LRRC4C: variants seen among roughly 807,000 people sequenced by gnomAD.
LRRC4C encodes the protein leucine rich repeat containing 4C.
A neutral mutation model predicts 33.6 loss-of-function variants in LRRC4C; 5 were observed. The observed-to-expected ratio is 0.15, with a 90% CI of 0.08 to 0.31. The LOEUF is 0.31. LRRC4C is among the 10% of genes least tolerant of loss of function. LRRC4C has a pLI of 1.00. For synonymous variants in LRRC4C, 329 were observed against 302.0 expected (o/e 1.09, Z -0.93); for missense variants, 560 against 796.7 (o/e 0.70, Z 3.58).
intron 3 of LRRC4C, among the ~76,000 whole-genome samples, chr11:40,579,322 T>A (rs924235179): frequency 3.0e-5 from 4 of 133,578 alleles, no homozygotes; most frequent in Admixed American, 1.5e-4. Context: ...TGAGACTCTG[T>A]TAAAAAAAAA....
At chr11:41,325,497 G>A (rs1361007459) in intron 1 of LRRC4C, among the ~76,000 whole-genome samples, 2 of 150,808 alleles carry the variant, frequency 1.3e-5, no homozygotes. Flanking sequence ...TTATCCTATG[G>A]AATAGGGGTA....
chr11:41,409,978 A>C (rs914499881), intron 1 of LRRC4C, among the ~76,000 whole-genome samples: 1 of 152,202 alleles, frequency 6.6e-6, no homozygotes, highest in African/African-American at 2.4e-5. Context: ...ACCGTGTAAG[A>C]AAATAGTCTC....
intron 1 of LRRC4C, among the ~76,000 whole-genome samples, chr11:41,278,635 G>A (rs116963834): frequency 0.013 from 2,017 of 152,306 alleles, 21 homozygotes; most frequent in Non-Finnish European, 0.023. Context: ...TGGGTTTCAC[G>A]TAGATCTCGG....
At chr11:40,854,943 T>TA (rs1340661932) in intron 2 of LRRC4C, among the ~76,000 whole-genome samples, 1 of 152,126 alleles carries the variant, frequency 6.6e-6, no homozygotes, top group African/African-American at 2.4e-5. Context: ...AAAAGACACA[T>TA]ATGCTAAAAC....
At chr11:40,158,853 A>C (rs776270226) in intron 5 of LRRC4C, among the ~76,000 whole-genome samples, 3 of 152,188 alleles carry the variant, frequency 2.0e-5, no homozygotes, top group Non-Finnish European at 4.4e-5. Flanking sequence ...AACTCATATC[A>C]AATCAATTGT....
intron 1 of LRRC4C, among the ~76,000 whole-genome samples, chr11:41,054,567 A>G (rs1285176646): frequency 6.6e-6 from 1 of 152,240 alleles, no homozygotes; most frequent in East Asian, 1.9e-4. Flanking sequence ...AAGTACTTTG[A>G]AGAAGATTGA....
chr11:40,948,102 A>G (rs1184409313), intron 1 of LRRC4C, among the ~76,000 whole-genome samples: 1 of 152,110 alleles, frequency 6.6e-6, no homozygotes, highest in African/African-American at 2.4e-5. Flanking sequence ...TAAATGGCTC[A>G]AAGGAAGCCT....
intron 1 of LRRC4C, among the ~76,000 whole-genome samples, chr11:41,378,617 G>A (rs757871538): frequency 6.6e-6 from 1 of 152,092 alleles, no homozygotes; most frequent in African/African-American, 2.4e-5. Flanking sequence ...AGGCCCAAAA[G>A]AATAGAAATT....
chr11:41,241,800 A>G (rs1948261112), intron 1 of LRRC4C, among the ~76,000 whole-genome samples: 1 of 152,130 alleles, frequency 6.6e-6, no homozygotes, highest in African/African-American at 2.4e-5. Flanking sequence ...AAAGGAAGAA[A>G]TGGTTAGAAA....
chr11:40,422,256 C>T (rs1324697538), intron 3 of LRRC4C, among the ~76,000 whole-genome samples: 4 of 152,036 alleles, frequency 2.6e-5, no homozygotes, highest in African/African-American at 9.7e-5. Flanking sequence ...GCTTCTTGTC[C>T]CCTACGTAAT....
intron 1 of LRRC4C, among the ~76,000 whole-genome samples, chr11:41,187,116 G>C (rs565485206): frequency 6.1e-4 from 93 of 152,232 alleles, no homozygotes; most frequent in Middle Eastern, 6.8e-3. Flanking sequence ...AGGGGAGCAG[G>C]GGAAGTGTTG....
chr11:41,340,132 C>T (rs1951581879), intron 1 of LRRC4C, among the ~76,000 whole-genome samples: 1 of 152,066 alleles, frequency 6.6e-6, no homozygotes, highest in Non-Finnish European at 1.5e-5. Context: ...GTAAGTTTCG[C>T]TCATCTTTTT....
chr11:40,372,442 T>C (rs1948490820), intron 3 of LRRC4C, among the ~76,000 whole-genome samples: 1 of 152,240 alleles, frequency 6.6e-6, no homozygotes, highest in Non-Finnish European at 1.5e-5. Context: ...GACAGTTCCT[T>C]GCTTTTAAAA....
At chr11:41,067,101 A>G (rs1296803449) in intron 1 of LRRC4C, among the ~76,000 whole-genome samples, 1 of 152,182 alleles carries the variant, frequency 6.6e-6, no homozygotes, top group East Asian at 1.9e-4. Flanking sequence ...TTAACGGCCC[A>G]ATTAAAAGAC....
intron 1 of LRRC4C, among the ~76,000 whole-genome samples, chr11:41,409,306 C>T (rs1394787281): frequency 1.3e-5 from 2 of 152,052 alleles, no homozygotes; most frequent in East Asian, 1.9e-4. Flanking sequence ...GAAAAATAAT[C>T]GTGACCAAGG....
chr11:40,697,551 A>G (rs777780931), intron 2 of LRRC4C, among the ~76,000 whole-genome samples: 2 of 152,200 alleles, frequency 1.3e-5, no homozygotes, highest in Non-Finnish European at 2.9e-5. Flanking sequence ...TCTGTTAATG[A>G]TGCTACATAT....
At chr11:40,503,039 C>T (rs1954853713) in intron 3 of LRRC4C, among the ~76,000 whole-genome samples, 1 of 152,092 alleles carries the variant, frequency 6.6e-6, no homozygotes, top group African/African-American at 2.4e-5. Context: ...GTAAATTTAG[C>T]TCTGTTTGAC....
rs144926639 is a variant in LRRC4C, at chr11:40,829,842, G to A, written c.-407+103793C>T. On this transcript the variant is annotated intron_variant, in intron 2 of 6. Coordinates refer to ENST00000528697, the MANE Select transcript of LRRC4C (RefSeq NM_001258419.2). ...GTGTAATTCCTGTGTTTAGGATATC[G>A]TCCTATATTGAAAAGCAACATACAA... Among the ~76,000 whole-genome samples the A allele has an allele frequency of 4.3e-4, 66 of 151,996 alleles. 1 individual carries two copies. In the Middle Eastern group the frequency reaches 0.014, roughly 31 times the overall value.
At chr11:41,059,550 CT>C (rs1416588171) in intron 1 of LRRC4C, among the ~76,000 whole-genome samples, 1 of 152,054 alleles carries the variant, frequency 6.6e-6, no homozygotes, top group Non-Finnish European at 1.5e-5. Flanking sequence ...GGAGTTTCTT[CT>C]TCTTTTTATT....
Sources: gnomAD v4.1 joint callset for allele counts (sites outside exome capture counted in the v4.1 genomes callset) on GRCh38, gnomAD v4.1.1 for gene constraint, MANE v1.5 for transcripts, NCBI Gene and HGNC (gene_info 2026-07-23, HGNC 2026-07-21) for gene names.